The following UNC5C variants were observed in gnomAD, a reference collection of about 807,000 sequenced individuals.
UNC5C encodes the protein unc-5 netrin receptor C.
A neutral mutation model predicts 99.8 loss-of-function variants in UNC5C; 47 were observed. The observed-to-expected ratio is 0.47, with a 90% CI of 0.37 to 0.60. UNC5C has a LOEUF of 0.60. Among genes scored for constraint, UNC5C ranks in the 20% least tolerant of loss-of-function variants. UNC5C has a pLI of 0.00. For missense variants in UNC5C, 1,062 were observed against 1,165.9 expected, an observed-to-expected ratio of 0.91 and a Z score of 1.30; for synonymous variants, 487 against 452.2, an observed-to-expected ratio of 1.08 and a Z score of -0.98.
At chr4:95,232,919 T>C (rs149700828) in intron 7 of UNC5C, among the ~76,000 whole-genome samples, 298 of 152,344 alleles carry the variant, frequency 2.0e-3, no homozygotes, top group African/African-American at 6.6e-3. Context: ...GCTCTCACTG[T>C]CTACCACTCA....
chr4:95,423,075 C>T (rs2149456979), intron 1 of UNC5C, among the ~76,000 whole-genome samples: 1 of 152,248 alleles, frequency 6.6e-6, no homozygotes, highest in East Asian at 1.9e-4. Context: ...TCCCACTACC[C>T]CAGGGAATAC....
chr4:95,233,116 G>C (rs1003127657), intron 7 of UNC5C, among the ~76,000 whole-genome samples: 2 of 152,192 alleles, frequency 1.3e-5, no homozygotes, highest in Non-Finnish European at 2.9e-5. Flanking sequence ...CTGGTATGCA[G>C]TGTGTCCACA....
intron 1 of UNC5C, among the ~76,000 whole-genome samples, chr4:95,499,602 AC>A (rs1392570389): frequency 1.3e-5 from 2 of 152,064 alleles, no homozygotes; most frequent in African/African-American, 4.8e-5. Context: ...ACCTACTGAC[AC>A]TGATCTGGCG....
At chr4:95,290,706 A>G (rs1741411251) in intron 3 of UNC5C, among the ~76,000 whole-genome samples, 1 of 152,256 alleles carries the variant, frequency 6.6e-6, no homozygotes, top group South Asian at 2.1e-4. Context: ...AATGTTGGCT[A>G]CTAGGACAGA....
chr4:95,271,973 C>T (rs144538288), intron 4 of UNC5C, among the ~76,000 whole-genome samples: 22 of 152,242 alleles, frequency 1.4e-4, no homozygotes, highest in African/African-American at 5.3e-4. Flanking sequence ...CTTGTTGCTC[C>T]CATCACCTGG....
intron 1 of UNC5C, among the ~76,000 whole-genome samples, chr4:95,395,782 C>T (rs112442094): frequency 0.02 from 3,021 of 152,216 alleles, 100 homozygotes; most frequent in African/African-American, 0.069. Context: ...AGAAACATGA[C>T]AATGTGGAAT....
intron 2 of UNC5C, among the ~76,000 whole-genome samples, chr4:95,328,209 T>TC (rs1381138940): frequency 1.5e-5 from 1 of 65,526 alleles, no homozygotes; most frequent in Non-Finnish European, 3.0e-5. Context: ...ATGCTATCCC[T>TC]CCCCCCTCCC....
At chr4:95,417,678 G>T (rs1419404696) in intron 1 of UNC5C, among the ~76,000 whole-genome samples, 1 of 152,134 alleles carries the variant, frequency 6.6e-6, no homozygotes, top group East Asian at 1.9e-4. Context: ...AGGCAGGAAG[G>T]AACGGGGGCA....
intron 1 of UNC5C, among the ~76,000 whole-genome samples, chr4:95,386,752 GA>G (rs2149443760): frequency 6.6e-6 from 1 of 152,262 alleles, no homozygotes; most frequent in African/African-American, 2.4e-5. Flanking sequence ...TTGCTGGGAA[GA>G]ACGAATGCTG....
At chr4:95,313,699 A>G (rs1742362663) in intron 2 of UNC5C, among the ~76,000 whole-genome samples, 1 of 152,162 alleles carries the variant, frequency 6.6e-6, no homozygotes, top group Non-Finnish European at 1.5e-5. Flanking sequence ...GAGGATTGCT[A>G]TTTGTTTATC....
At chr4:95,366,069 C>T (rs1389688692) in intron 1 of UNC5C, among the ~76,000 whole-genome samples, 1 of 152,058 alleles carries the variant, frequency 6.6e-6, no homozygotes, top group African/African-American at 2.4e-5. Flanking sequence ...CTGGTCCTGT[C>T]ACAAAGGGCC....
At chr4:95,400,383 T>TC (rs71585303) in intron 1 of UNC5C, among the ~76,000 whole-genome samples, 1 of 130,788 alleles carries the variant, frequency 7.6e-6, no homozygotes, top group Non-Finnish European at 1.6e-5. Flanking sequence ...TGAGATGAAT[T>TC]CTTTTTTTTT....
intron 10 of UNC5C, among the ~76,000 whole-genome samples, chr4:95,215,734 T>C (rs934759243): frequency 6.6e-6 from 1 of 152,120 alleles, no homozygotes; most frequent in African/African-American, 2.4e-5. Context: ...GGAGGAGTTG[T>C]CCAATCCTTT....
At chr4:95,344,941 G>A (rs1743714139) in intron 1 of UNC5C, among the ~76,000 whole-genome samples, 1 of 151,880 alleles carries the variant, frequency 6.6e-6, no homozygotes, top group African/African-American at 2.4e-5. Flanking sequence ...AAGAGAAGAT[G>A]ACTGCAAAAC....
chr4:95,426,154 A>G (rs1489335036), intron 1 of UNC5C, among the ~76,000 whole-genome samples: 2 of 152,204 alleles, frequency 1.3e-5, no homozygotes, highest in East Asian at 1.9e-4. Flanking sequence ...CTCACTTCAT[A>G]TCTCTATGTC....
intron 1 of UNC5C, among the ~76,000 whole-genome samples, chr4:95,491,188 G>GA (rs985781821): frequency 2.0e-5 from 3 of 151,546 alleles, no homozygotes; most frequent in Admixed American, 2.0e-4. Context: ...ACACAAGTAA[G>GA]AAAATGTGAA....
chr4:95,228,913 G>C lies in UNC5C; in HGVS notation c.1109-8737C>G, dbSNP rs1043799366. ...CTGTTACAAGTGTGGGGCAAGCAAAGAGGTGTACCAAACCTCAGCATTTCC... is the reference window on the plus strand; with the variant it reads ...CTGTTACAAGTGTGGGGCAAGCAAACAGGTGTACCAAACCTCAGCATTTCC... On this transcript the variant is annotated intron_variant, in intron 7 of 15. Coordinates refer to ENST00000453304, the MANE Select transcript of UNC5C (RefSeq NM_003728.4). 5.9e-5 allele frequency among the ~76,000 whole-genome samples: 9 copies of C among 152,294 alleles called. No individual in the cohort carries two copies. The South Asian group carries it at 1.9e-3, about 32-fold the overall frequency.
intron 4 of UNC5C, among the ~76,000 whole-genome samples, chr4:95,276,833 C>CA (rs1422845277): frequency 1.3e-5 from 2 of 151,326 alleles, no homozygotes; most frequent in African/African-American, 2.4e-5. Flanking sequence ...CAAATTAAGG[C>CA]AAAAAAATAA....
chr4:95,335,123 G>A (rs1743282431), intron 2 of UNC5C, among the ~76,000 whole-genome samples: 1 of 151,888 alleles, frequency 6.6e-6, no homozygotes, highest in Non-Finnish European at 1.5e-5. Flanking sequence ...ATTTGCTTGG[G>A]CATTTAACAT....
Sources: allele counts gnomAD v4.1 joint callset (sites outside exome capture counted in the v4.1 genomes callset), GRCh38; gene constraint gnomAD v4.1.1; transcripts MANE v1.5; gene names NCBI Gene and HGNC (gene_info 2026-07-23, HGNC 2026-07-21).